WDTC1: variants seen among roughly 807,000 people sequenced by gnomAD.
The protein encoded by WDTC1 is WD and tetratricopeptide repeats 1, also known as WD and tetratricopeptide repeats protein 1.
A neutral mutation model predicts 76.0 loss-of-function variants in WDTC1; 12 were observed. The ratio of observed to expected loss-of-function variants is 0.16; its 90% CI spans 0.10 to 0.26. The LOEUF (loss-of-function observed/expected upper bound fraction) is 0.26. WDTC1 is among the 10% of genes least tolerant of loss of function. The probability of loss-of-function intolerance (pLI) is 1.00; values close to 1 mark genes in which losing one functional copy is unlikely to be tolerated. For missense variants in WDTC1, 511 were observed against 908.8 expected, an observed-to-expected ratio of 0.56 and a Z score of 5.63; for synonymous variants, 326 against 350.8, an observed-to-expected ratio of 0.93 and a Z score of 0.79.
At chr1:27,253,389 TCCCCTC>T (rs796239665) in intron 1 of WDTC1, among the ~76,000 whole-genome samples, 4,782 of 67,844 alleles carry the variant, frequency 0.07, 586 homozygotes, top group African/African-American at 0.25. Context: ...TCTTTCTTCT[TCCCCTC>T]CCCCTCCCCC....
chr1:27,238,294 C>T (rs987906679), intron 1 of WDTC1, among the ~76,000 whole-genome samples: 2 of 151,898 alleles, frequency 1.3e-5, no homozygotes, highest in East Asian at 3.9e-4. Flanking sequence ...TGAAGATTGT[C>T]ATGGGGAAAG....
chr1:27,255,228 T>C (rs1397403253), intron 1 of WDTC1, among the ~76,000 whole-genome samples: 1 of 152,160 alleles, frequency 6.6e-6, no homozygotes, highest in Non-Finnish European at 1.5e-5. Flanking sequence ...GAATAAGTCA[T>C]GGCAATTTAG....
At chr1:27,247,766 T>G (rs1444117560) in intron 1 of WDTC1, among the ~76,000 whole-genome samples, 1 of 151,406 alleles carries the variant, frequency 6.6e-6, no homozygotes, top group African/African-American at 2.4e-5. Flanking sequence ...TTGCCCAGCC[T>G]GGAGTGCAAT....
Position 27,292,999 on chromosome 1 carries a change from G to A in WDTC1, c.662+602G>A, listed in dbSNP as rs561128787. On this transcript the variant is annotated intron_variant, in intron 7 of 15. Transcript: ENST00000319394. Reference sequence around the variant, plus strand: ...ACTCCTGACCTCAGGTGATCTGCCCGCCTCGGCCTCCCAAAGTGTTGGGAT... The same window carrying A: ...ACTCCTGACCTCAGGTGATCTGCCCACCTCGGCCTCCCAAAGTGTTGGGAT... Among the ~76,000 whole-genome samples, 7 of 148,188 alleles carry A rather than the reference G, an allele frequency of 4.7e-5. No individual in the cohort carries two copies. In the East Asian group the frequency reaches 1.0e-3, roughly 22 times the overall value.
At chr1:27,266,814 T>TGC (rs771901939) in intron 3 of WDTC1, among the ~76,000 whole-genome samples, 8 of 152,244 alleles carry the variant, frequency 5.3e-5, no homozygotes, top group Non-Finnish European at 1.0e-4. Context: ...CAGTAAAAGC[T>TGC]GCTGCCTTTT....
intron 1 of WDTC1, among the ~76,000 whole-genome samples, chr1:27,242,565 G>A (rs1247575611): frequency 6.6e-6 from 1 of 151,902 alleles, no homozygotes; most frequent in Non-Finnish European, 1.5e-5. Context: ...TGCCTCCCGG[G>A]TTCAAGTGAT....
At chr1:27,279,514 C>T (rs2013131378) in intron 3 of WDTC1, among the ~76,000 whole-genome samples, 1 of 152,156 alleles carries the variant, frequency 6.6e-6, no homozygotes, top group Non-Finnish European at 1.5e-5. Context: ...ATTTTTCTTT[C>T]TCCAATATAG....
chr1:27,281,281 T>C (rs1305538606), intron 3 of WDTC1, among the ~76,000 whole-genome samples: 1 of 151,826 alleles, frequency 6.6e-6, no homozygotes, highest in Admixed American at 6.6e-5. Context: ...GTGAAACCTC[T>C]GTCTCTACTA....
At position 27,234,647 on chromosome 1, in the gene WDTC1, C is replaced by A; in HGVS notation, c.-404C>A. The stretch of plus-strand genomic sequence containing the variant: ...GCGCGTTGCTGGGCTTCTCCTGGGT[C>A]CCCAGACAGCTGGAGGAGATAAACA... On this transcript the variant is annotated 5_prime_UTR_variant, in exon 1 of 16. Coordinates refer to ENST00000319394, the MANE Select transcript of WDTC1 (RefSeq NM_001276252.2). The A allele has an allele frequency of 2.5e-6, 1 of 395,584 alleles. No individual in the cohort carries two copies. The highest frequency in any genetic ancestry group is 4.5e-6 in the Non-Finnish European group (1 of 224,378). The allele number at this position is 395,584 out of a possible 1,614,324, so 24.5% of individuals were successfully genotyped here.
Position 27,306,392 on chromosome 1 carries a change from G to C in WDTC1, c.*9G>C, listed in dbSNP as rs373854309. 2.5e-6 allele frequency: 4 copies of C among 1,608,752 alleles called. No individual in the cohort carries two copies. Among genetic ancestry groups the C allele is most frequent in the Admixed American group, 1.7e-5 (1 of 59,954 alleles). ...AGTGCCGGCCCAGCTAGACCCTCCAGCCCTGGTCCCCAGCCCCTGCTACTG... is the reference window on the plus strand; with the variant it reads ...AGTGCCGGCCCAGCTAGACCCTCCACCCCTGGTCCCCAGCCCCTGCTACTG... On this transcript the variant is annotated 3_prime_UTR_variant, in exon 16 of 16. Transcript: ENST00000319394. The surrounding 1 kb of genome is among the most constrained non-coding windows in gnomAD (Gnocchi z 5.0).
chr1:27,275,659 T>C (rs2013003350), intron 3 of WDTC1, among the ~76,000 whole-genome samples: 1 of 151,930 alleles, frequency 6.6e-6, no homozygotes, highest in Non-Finnish European at 1.5e-5. Flanking sequence ...AGCGGGGATC[T>C]GACTTTGTGA....
intron 1 of WDTC1, among the ~76,000 whole-genome samples, chr1:27,254,041 G>T (rs1412023116): frequency 1.3e-5 from 2 of 151,978 alleles, no homozygotes; most frequent in South Asian, 2.1e-4. Flanking sequence ...TAGATTTAAG[G>T]GTATTTCCTT....
intron 11 of WDTC1, among the ~76,000 whole-genome samples, chr1:27,297,630 A>G (rs2013728131): frequency 6.6e-6 from 1 of 152,228 alleles, no homozygotes; most frequent in Non-Finnish European, 1.5e-5. Flanking sequence ...CATAAGGTTC[A>G]GCTCAGCATG....
intron 3 of WDTC1, among the ~76,000 whole-genome samples, chr1:27,264,930 A>G (rs1443043642): frequency 6.6e-6 from 1 of 151,966 alleles, no homozygotes; most frequent in Non-Finnish European, 1.5e-5. Context: ...AGCCCCCTGA[A>G]TAGCTGGGAT....
chr1:27,281,435 G>C (rs1213116250), intron 3 of WDTC1, among the ~76,000 whole-genome samples: 1 of 127,936 alleles, frequency 7.8e-6, no homozygotes, highest in African/African-American at 3.0e-5. Context: ...GCCTGACTCT[G>C]TCTCAAAAAA....
chr1:27,259,601 C>T (rs1404168571), intron 1 of WDTC1, among the ~76,000 whole-genome samples: 1 of 152,096 alleles, frequency 6.6e-6, no homozygotes, highest in Non-Finnish European at 1.5e-5. Context: ...GTTGGGACTA[C>T]AGGTGCACAG....
At chr1:27,293,521 TTTC>T (rs1365899143) in intron 7 of WDTC1, among the ~76,000 whole-genome samples, 2 of 151,984 alleles carry the variant, frequency 1.3e-5, no homozygotes, top group African/African-American at 4.8e-5. Flanking sequence ...ATTCTTATAA[TTTC>T]TTATATAAAT....
At position 27,308,577 on chromosome 1, in the gene WDTC1, GTATA is replaced by G. The variant is rs201828710; in HGVS notation, c.*2203_*2206del. ...TGATTACTTGTAGATATGTGTGTGTGTATATATATATAAAAAAAATGAACAAAAG... is the reference window on the plus strand; with the variant it reads ...TGATTACTTGTAGATATGTGTGTGTGTATATATAAAAAAAATGAACAAAAG... On this transcript the variant is annotated 3_prime_UTR_variant, in exon 16 of 16. Coordinates refer to ENST00000319394, the MANE Select transcript of WDTC1 (RefSeq NM_001276252.2). The G allele has an allele frequency of 6.6e-6, 1 of 151,772 alleles. No individual in the cohort carries two copies. Among genetic ancestry groups the G allele is most frequent in the Non-Finnish European group, 1.5e-5 (1 of 67,950 alleles). The allele number at this position is 151,772 out of a possible 1,614,324, so 9.4% of individuals were successfully genotyped here.
chr1:27,255,727 C>T (rs548404332), intron 1 of WDTC1, among the ~76,000 whole-genome samples: 5 of 152,120 alleles, frequency 3.3e-5, no homozygotes, highest in Non-Finnish European at 4.4e-5. Flanking sequence ...CTCCACCACA[C>T]GCAGCTAATT....
Sources: gnomAD v4.1 joint callset for allele counts (sites outside exome capture counted in the v4.1 genomes callset) on GRCh38, gnomAD v4.1.1 for gene constraint, Gnocchi (gnomAD v3.1) non-coding constraint, MANE v1.5 for transcripts, NCBI Gene and HGNC (gene_info 2026-07-23, HGNC 2026-07-21) for gene names.